MEX3C: variants seen among roughly 807,000 people sequenced by gnomAD.
MEX3C encodes mex-3 RNA binding family member C.
MEX3C carries 15 observed loss-of-function variants against 35.5 expected under a neutral mutation model. The observed-to-expected ratio is 0.42, with a 90% CI of 0.28 to 0.65. The LOEUF is 0.65. MEX3C is among the 30% of genes least tolerant of loss of function. The pLI is 0.20. For missense variants in MEX3C, 711 were observed against 842.8 expected, an observed-to-expected ratio of 0.84 and a Z score of 1.94; for synonymous variants, 390 against 352.8, an observed-to-expected ratio of 1.11 and a Z score of -1.18.
chr18:51,192,874 C>T (rs1214098229), intron 1 of MEX3C: 3 of 152,052 alleles, frequency 2.0e-5, no homozygotes, highest in Non-Finnish European at 4.4e-5. Flanking sequence ...AACAATGCAC[C>T]CTCATCCCCA....
chr18:51,177,689 A>G lies in MEX3C; in HGVS notation c.755-113T>C. On this transcript the variant is annotated intron_variant, in intron 1 of 1. Transcript: ENST00000406189. This position sits in a 1 kb window ranked among gnomAD's most constrained non-coding sequence, Gnocchi z 4.2. ...AATATCTGGTTATGGGTTAAGTTTT[A>G]GAGTTTTTCACATAGCTAGGAAGTG... 8.0e-7 allele frequency: 1 copy of G among 1,247,124 alleles called. No homozygotes were observed. Among genetic ancestry groups the G allele is most frequent in the Non-Finnish European group, 1.1e-6 (1 of 916,310 alleles). The allele number at this position is 1,247,124 out of a possible 1,614,324, so 77.3% of individuals were successfully genotyped here. A position where few individuals can be genotyped will look rare whatever the true frequency, so the allele number is the denominator to read the frequency against.
At chr18:51,180,400 A>C (rs946935599) in intron 1 of MEX3C, among the ~76,000 whole-genome samples, 2 of 152,192 alleles carry the variant, frequency 1.3e-5, no homozygotes, top group African/African-American at 4.8e-5. Flanking sequence ...CCTGGTCTAC[A>C]CCCAAAAGGG....
intron 1 of MEX3C, among the ~76,000 whole-genome samples, chr18:51,178,374 CTTTTTTTT>C (rs80087001): frequency 6.9e-6 from 1 of 145,014 alleles, no homozygotes; most frequent in Non-Finnish European, 1.5e-5. Context: ...CTTTAACCAA[CTTTTTTTT>C]TTTTTTTTGA....
At chr18:51,196,329 G>T in intron 1 of MEX3C, 1 of 896,474 alleles carries the variant, frequency 1.1e-6, no homozygotes, top group Non-Finnish European at 1.6e-6. Context: ...GAACACCACC[G>T]GACTGGGTCG....
rs192502803 is a variant in MEX3C at position 51,176,941 on chromosome 18, G to A, written c.1390C>T (p.Leu464=). ...STDSYFGSNR[L]ADFSPTSPFS... is the part of the protein sequence containing the mutation. ...GGGCTTGTTGGACTAAAGTCAGCCA[G>A]CCTATTGCTTCCAAAGTAGGAATCT... The change falls in exon 2 of 2, where the codon CTG becomes TTG. Residue 464 remains leucine (L), a synonymous_variant. Transcript: ENST00000406189. The A allele has an allele frequency of 2.9e-5, 46 of 1,613,988 alleles. No individual in the cohort carries two copies. The highest frequency in any genetic ancestry group is 3.3e-4 in the Middle Eastern group (2 of 6,062).
rs1306693862 is a variant in MEX3C, at chr18:51,193,693, T to TA, written c.754+2873dup. On this transcript the variant is annotated intron_variant, in intron 1 of 1. Coordinates refer to ENST00000406189, the MANE Select transcript of MEX3C (RefSeq NM_016626.5). ...TTGTTTCACAACAGATGCAATGCTT[T>TA]AAAAAACAAGGCCAATTTAACATTT... 6.6e-5 allele frequency: 10 copies of TA among 152,358 alleles called. No homozygotes were observed. The South Asian group carries it at 1.9e-3, about 28-fold the overall frequency. 9.4% of individuals were successfully genotyped at this position (152,358 alleles called of 1,614,324 possible). A position where few individuals can be genotyped will look rare whatever the true frequency, so the allele number is the denominator to read the frequency against.
In MEX3C at chr18:51,175,596, A is replaced by G. The variant is rs1208303344; in HGVS notation, c.*755T>C. The stretch of plus-strand genomic sequence containing the variant: ...TTTGCATCCTCAATTATCAGCCAAT[A>G]TAGGTGCCATCCCAAAGCCCTTCCT... On this transcript the variant is annotated 3_prime_UTR_variant, in exon 2 of 2. Coordinates refer to ENST00000406189, the MANE Select transcript of MEX3C (RefSeq NM_016626.5). 6.6e-6 allele frequency: 1 copy of G among 152,660 alleles called. No homozygotes were observed. The highest frequency in any genetic ancestry group is 1.9e-4 in the East Asian group (1 of 5,202). The allele number at this position is 152,660 out of a possible 1,614,324, so 9.5% of individuals were successfully genotyped here.
intron 1 of MEX3C, among the ~76,000 whole-genome samples, chr18:51,179,737 A>G (rs1912385490): frequency 6.6e-6 from 1 of 152,230 alleles, no homozygotes; most frequent in African/African-American, 2.4e-5. Context: ...TATACAGGCT[A>G]AATGTCCAGG....
intron 1 of MEX3C, among the ~76,000 whole-genome samples, chr18:51,187,200 T>C (rs767940808): frequency 2.0e-5 from 3 of 152,190 alleles, no homozygotes; most frequent in Non-Finnish European, 4.4e-5. Flanking sequence ...TGGAAAACCC[T>C]CCTAGTATTC....
Position 51,197,565 on chromosome 18 carries a change from G to A in MEX3C, c.-245C>T, listed in dbSNP as rs1235472649. 6.6e-6 allele frequency among the ~76,000 whole-genome samples: 1 copy of A among 150,550 alleles called. No homozygotes were observed. Among genetic ancestry groups the A allele is most frequent in the Admixed American group, 6.6e-5 (1 of 15,202 alleles). On this transcript the variant is annotated 5_prime_UTR_variant, in exon 1 of 2. Coordinates refer to ENST00000406189, the MANE Select transcript of MEX3C (RefSeq NM_016626.5). ...AGGTGGGTGGGTGGGGACGGCGGCG[G>A]GGCGGGCTGGTGGAGGTGGCAGCGG...
intron 1 of MEX3C, among the ~76,000 whole-genome samples, chr18:51,182,889 T>C (rs1288771880): frequency 3.3e-5 from 5 of 152,202 alleles, no homozygotes; most frequent in African/African-American, 1.2e-4. Flanking sequence ...TATAATGGGC[T>C]GCAAAATAAA....
chr18:51,177,220 A>C lies in MEX3C; in HGVS notation c.1111T>G (p.Phe371Val). Residue 371 changes from phenylalanine to valine, a missense_variant, in exon 2 of 2, where the codon TTT (phenylalanine) becomes GTT (valine). By Grantham distance (50) the Phe-to-Val change is conservative. Coordinates refer to ENST00000406189, the MANE Select transcript of MEX3C (RefSeq NM_016626.5). This position sits in a 1 kb window ranked among gnomAD's most constrained non-coding sequence, Gnocchi z 4.2. ...VTPSRDKEPV[F>V]EVTGMPENVD... ...TTTTCAGGCATCCCTGTCACTTCAA[A>C]GACAGGTTCCTTATCTCTGCTCGGA... 6.2e-7 allele frequency: 1 copy of C among 1,613,854 alleles called. No homozygotes were observed. Among genetic ancestry groups the C allele is most frequent in the Non-Finnish European group, 8.5e-7 (1 of 1,179,886 alleles).
At position 51,197,650 on chromosome 18, in the gene MEX3C, G is replaced by A. The variant is rs868318542; in HGVS notation, c.-330C>T. Among the ~76,000 whole-genome samples, 3 of 150,834 alleles carry A rather than the reference G, an allele frequency of 2.0e-5. No homozygotes were observed. Among genetic ancestry groups the A allele is most frequent in the South Asian group, 4.2e-4 (2 of 4,776 alleles). ...TAACCAGCCCCCGGCGCGCGCGGCG[G>A]CGGCGGCTACGCCCCACGCCGCTCT... is the stretch of plus-strand genomic sequence containing the variant. On this transcript the variant is annotated 5_prime_UTR_variant, in exon 1 of 2. Transcript: ENST00000406189.
intron 1 of MEX3C, among the ~76,000 whole-genome samples, chr18:51,189,539 A>T (rs1274005091): frequency 6.6e-6 from 1 of 152,188 alleles, no homozygotes; most frequent in Non-Finnish European, 1.5e-5. Context: ...AGTTAAATTA[A>T]ATCTAAAACC....
In MEX3C at chr18:51,176,853, G is replaced by A. The variant is rs374501701; in HGVS notation, c.1478C>T (p.Ala493Val). The stretch of plus-strand genomic sequence containing the variant: ...AGAGTCAAAGGCAGGAGAGTCAACT[G>A]CTAGGTCTTCTGAGCCTACAGATGG... Reference protein sequence around the residue: ...TLPSVGSEDLAVDSPAFDSLP... With the variant: ...TLPSVGSEDLVVDSPAFDSLP... Residue 493 changes from alanine to valine, a missense_variant, in exon 2 of 2, where the codon GCA (alanine) becomes GTA (valine). Ala to Val is a moderately conservative substitution (Grantham distance 64). Coordinates refer to ENST00000406189, the MANE Select transcript of MEX3C (RefSeq NM_016626.5). 1.9e-6 allele frequency: 3 copies of A among 1,614,028 alleles called. No individual in the cohort carries two copies. The highest frequency in any genetic ancestry group is 2.5e-6 in the Non-Finnish European group (3 of 1,179,894).
Position 51,177,801 on chromosome 18 carries a change from G to T in MEX3C, c.755-225C>A, listed in dbSNP as rs1912336836. Among the ~76,000 whole-genome samples, 1 of 152,170 alleles carries T rather than the reference G, an allele frequency of 6.6e-6. No individual in the cohort carries two copies. The highest frequency in any genetic ancestry group is 6.5e-5 in the Admixed American group (1 of 15,278). ...CCTCGATTTTCACAATTATCTGACAGAAGTTATTAAACTGACTTCCACCTA... is the reference window on the plus strand; with the variant it reads ...CCTCGATTTTCACAATTATCTGACATAAGTTATTAAACTGACTTCCACCTA... On this transcript the variant is annotated intron_variant, in intron 1 of 1. Transcript: ENST00000406189. This position sits in a 1 kb window ranked among gnomAD's most constrained non-coding sequence, Gnocchi z 4.2.
intron 1 of MEX3C, among the ~76,000 whole-genome samples, chr18:51,187,251 T>A (rs1323442678): frequency 1.3e-5 from 2 of 152,228 alleles, no homozygotes; most frequent in South Asian, 2.1e-4. Flanking sequence ...ACATGGCCAT[T>A]TGGAAAAGAT....
chr18:51,183,147 T>C (rs1429326765), intron 1 of MEX3C, among the ~76,000 whole-genome samples: 1 of 152,238 alleles, frequency 6.6e-6, no homozygotes, highest in African/African-American at 2.4e-5. Context: ...CTAAAGTAGC[T>C]TGTGGAGGCC....
Position 51,175,468 on chromosome 18 carries a change from A to G in MEX3C, c.*883T>C, listed in dbSNP as rs1332379729. 1.3e-5 allele frequency: 2 copies of G among 152,650 alleles called. No homozygotes were observed. The highest frequency in any genetic ancestry group is 4.8e-5 in the African/African-American group (2 of 41,446). 9.5% of individuals were successfully genotyped at this position (152,650 alleles called of 1,614,324 possible). A position where few individuals can be genotyped will look rare whatever the true frequency, so the allele number is the denominator to read the frequency against. On this transcript the variant is annotated 3_prime_UTR_variant, in exon 2 of 2. Coordinates refer to ENST00000406189, the MANE Select transcript of MEX3C (RefSeq NM_016626.5). Reference sequence around the variant, plus strand: ...CCCTAAATTACTAAAAAATAAAAATATATTTATAATGTGCAAGACAAATAT... The same window carrying G: ...CCCTAAATTACTAAAAAATAAAAATGTATTTATAATGTGCAAGACAAATAT...
Sources: allele counts gnomAD v4.1 joint callset (sites outside exome capture counted in the v4.1 genomes callset), GRCh38; gene constraint gnomAD v4.1.1; non-coding constraint Gnocchi (gnomAD v3.1); transcripts MANE v1.5; gene names NCBI Gene and HGNC (gene_info 2026-07-23, HGNC 2026-07-21).